EFR3A: variants seen among roughly 807,000 people sequenced by gnomAD.
The protein encoded by EFR3A is protein EFR3 homolog A.
Under a neutral mutation model 104.4 loss-of-function variants are expected in EFR3A, and 76 were observed. That is an observed-to-expected ratio of 0.73 (90% CI 0.60 to 0.88). EFR3A has a LOEUF of 0.88. Ranked by LOEUF, EFR3A falls within the 40% of genes least tolerant of loss-of-function variation. EFR3A has a pLI of 0.00. For synonymous variants in EFR3A, 330 were observed against 330.0 expected, an observed-to-expected ratio of 1.00 and a Z score of 0.00; for missense variants, 985 against 1,012.5, an observed-to-expected ratio of 0.97 and a Z score of 0.37.
At chr8:131,941,369 C>T (rs1727069603) in intron 2 of EFR3A, among the ~76,000 whole-genome samples, 1 of 151,818 alleles carries the variant, frequency 6.6e-6, no homozygotes, top group African/African-American at 2.4e-5. Context: ...TTTTGACTTC[C>T]AAAATTTGCT....
intron 1 of EFR3A, among the ~76,000 whole-genome samples, chr8:131,935,286 A>C (rs1319295888): frequency 2.0e-5 from 3 of 152,128 alleles, no homozygotes; most frequent in African/African-American, 7.2e-5. Flanking sequence ...TTCCTTATTT[A>C]TTTAGGAAAA....
At position 131,994,686 on chromosome 8, in the gene EFR3A, ACT is replaced by A. The variant is rs148670380; in HGVS notation, c.2066-1717_2066-1716del. 2.8e-3 allele frequency among the ~76,000 whole-genome samples: 419 copies of A among 152,222 alleles called. 1 individual carries two copies. Among genetic ancestry groups the A allele is most frequent in the African/African-American group, 9.7e-3 (401 of 41,548 alleles). ...AAAGATGAAGATTTTGAACGATGAC[ACT>A]CTTGAAAATAAATAGGACAATGTGG... On this transcript the variant is annotated intron_variant, in intron 18 of 22. Coordinates refer to ENST00000254624, the MANE Select transcript of EFR3A (RefSeq NM_015137.6).
At chr8:132,004,030 A>G (rs1006245642) in intron 22 of EFR3A, among the ~76,000 whole-genome samples, 1 of 152,092 alleles carries the variant, frequency 6.6e-6, no homozygotes, top group Admixed American at 6.6e-5. Flanking sequence ...ACCCTGTATT[A>G]TATTAATATT....
chr8:131,962,335 C>T (rs1179345985), intron 8 of EFR3A, among the ~76,000 whole-genome samples: 4 of 151,662 alleles, frequency 2.6e-5, no homozygotes, highest in African/African-American at 7.3e-5. Context: ...CAGAGACACA[C>T]ATAGGCTCAA....
chr8:131,992,937 A>G (rs957628730), intron 18 of EFR3A, among the ~76,000 whole-genome samples: 1 of 152,204 alleles, frequency 6.6e-6, no homozygotes, highest in East Asian at 1.9e-4. Flanking sequence ...TGGTGGTGAC[A>G]TACAGGTAAA....
rs200054806 is a variant in EFR3A, at chr8:131,984,158, G to A, written c.1595G>A (p.Arg532Gln). 110 of 1,607,822 alleles carry A rather than the reference G, an allele frequency of 6.8e-5. No homozygotes were observed. Among genetic ancestry groups the A allele is most frequent in the South Asian group, 2.6e-4 (23 of 89,502 alleles). ...CCTCAGAATGGGCAACAGCTGTATCGGCACATATATTTGGGTTGTAAAGAG... is the reference window on the plus strand; with the variant it reads ...CCTCAGAATGGGCAACAGCTGTATCAGCACATATATTTGGGTTGTAAAGAG... ...FMKKNGQQLY[R>Q]HIYLGCKEED... The change falls in exon 15 of 23, where the codon CGG (arginine) becomes CAG (glutamine). Residue 532 changes from arginine to glutamine, a missense_variant. Arg to Gln is a conservative substitution (Grantham distance 43). Coordinates refer to ENST00000254624, the MANE Select transcript of EFR3A (RefSeq NM_015137.6).
At chr8:131,940,456 TATTAATA>T in intron 1 of EFR3A, 36 bp from the exon 2 acceptor site, 3 of 1,528,574 alleles carry the variant, frequency 2.0e-6, no homozygotes, top group Non-Finnish European at 2.6e-6. Flanking sequence ...CTGTTTACAA[TATTAATA>T]ATATCTGTAT....
intron 8 of EFR3A, among the ~76,000 whole-genome samples, chr8:131,966,903 T>C (rs1819770259): frequency 6.6e-6 from 1 of 152,208 alleles, no homozygotes; most frequent in Non-Finnish European, 1.5e-5. Flanking sequence ...CATATTCTTT[T>C]GTTTAATACA....
intron 14 of EFR3A, among the ~76,000 whole-genome samples, chr8:131,981,836 A>T (rs780169496): frequency 6.6e-6 from 1 of 151,954 alleles, no homozygotes; most frequent in East Asian, 1.9e-4. Context: ...GGAACCCCTT[A>T]TACATTGGGA....
intron 7 of EFR3A, among the ~76,000 whole-genome samples, chr8:131,959,050 G>T (rs1184728152): frequency 6.6e-6 from 1 of 152,070 alleles, no homozygotes; most frequent in Non-Finnish European, 1.5e-5. Context: ...TGAACCCATG[G>T]TCTAGATTAA....
intron 1 of EFR3A, among the ~76,000 whole-genome samples, chr8:131,938,954 C>G (rs1024870953): frequency 6.6e-6 from 1 of 151,978 alleles, no homozygotes; most frequent in East Asian, 1.9e-4. Context: ...TGGTAATTGT[C>G]CCTCCTGCTA....
intron 1 of EFR3A, among the ~76,000 whole-genome samples, chr8:131,929,976 A>G (rs1387627955): frequency 6.6e-6 from 1 of 152,062 alleles, no homozygotes; most frequent in Non-Finnish European, 1.5e-5. Flanking sequence ...TCTGAGGGAC[A>G]CCCCAAGTTA....
intron 1 of EFR3A, 78 bp from the exon 2 acceptor site, chr8:131,940,421 T>A (rs1818105707): frequency 7.4e-7 from 1 of 1,347,044 alleles, no homozygotes; most frequent in African/African-American, 1.5e-5. Context: ...AGCCCATTAA[T>A]ATTCAGAAAC....
intron 2 of EFR3A, among the ~76,000 whole-genome samples, chr8:131,941,702 A>AG (rs775381531): frequency 1.9e-3 from 282 of 152,168 alleles, no homozygotes; most frequent in Admixed American, 2.2e-3. Flanking sequence ...TAAAGCAGGG[A>AG]GGTATCACTG....
At chr8:131,911,860 C>T (rs1816527813) in intron 1 of EFR3A, among the ~76,000 whole-genome samples, 1 of 152,166 alleles carries the variant, frequency 6.6e-6, no homozygotes, top group Non-Finnish European at 1.5e-5. Context: ...TGGGGCAGGA[C>T]CCTGTCTGGC....
intron 1 of EFR3A, among the ~76,000 whole-genome samples, chr8:131,918,147 C>T (rs1027009441): frequency 5.9e-5 from 9 of 152,022 alleles, no homozygotes; most frequent in Non-Finnish European, 8.8e-5. Context: ...ATTAGCTGGG[C>T]GTGGTGGCGC....
At chr8:131,987,806 T>C in intron 18 of EFR3A, 104 bp downstream of exon 18, 1 of 1,241,794 alleles carries the variant, frequency 8.1e-7, no homozygotes, top group Non-Finnish European at 1.1e-6. Context: ...TGTGTGTCCT[T>C]ACTATAGCCC....
chr8:131,917,299 G>A (rs551021012), intron 1 of EFR3A, among the ~76,000 whole-genome samples: 6 of 152,286 alleles, frequency 3.9e-5, no homozygotes, highest in African/African-American at 7.2e-5. Flanking sequence ...CTTATACAGC[G>A]AATACTGTTC....
chr8:131,948,383 A>G (rs1818538065), intron 4 of EFR3A, among the ~76,000 whole-genome samples: 1 of 152,146 alleles, frequency 6.6e-6, no homozygotes, highest in South Asian at 2.1e-4. Context: ...GATATATATG[A>G]TGCTCTTGGA....
Sources: gnomAD v4.1 joint callset for allele counts (sites outside exome capture counted in the v4.1 genomes callset) on GRCh38, gnomAD v4.1.1 for gene constraint, MANE v1.5 for transcripts, NCBI Gene and HGNC (gene_info 2026-07-23, HGNC 2026-07-21) for gene names.